EIF4E2: variants seen among roughly 807,000 people sequenced by gnomAD.
The protein encoded by EIF4E2 is eukaryotic translation initiation factor 4E type 2.
A neutral mutation model predicts 34.2 loss-of-function variants in EIF4E2; 13 were observed. The observed-to-expected ratio is 0.38, with a 90% CI of 0.25 to 0.60. EIF4E2 has a LOEUF of 0.60. EIF4E2 is among the 20% of genes least tolerant of loss of function. EIF4E2 has a pLI of 0.62. For synonymous variants in EIF4E2, 100 were observed against 106.6 expected (o/e 0.94, Z 0.38); for missense variants, 222 against 315.1 (o/e 0.70, Z 2.24).
chr2:232,563,070 C>T (rs62191570), intron 3 of EIF4E2, among the ~76,000 whole-genome samples: 10,101 of 152,300 alleles, frequency 0.066, 417 homozygotes, highest in Non-Finnish European at 0.099. Flanking sequence ...TCTTTGTCTA[C>T]TCGATACCCA....
intron 3 of EIF4E2, among the ~76,000 whole-genome samples, chr2:232,561,536 A>G (rs1226132881): frequency 1.3e-5 from 2 of 152,226 alleles, no homozygotes; most frequent in Non-Finnish European, 2.9e-5. Flanking sequence ...CTGTTGTGTA[A>G]TTCAGGTCAC....
chr2:232,554,394 T>G (rs535027823), intron 1 of EIF4E2, among the ~76,000 whole-genome samples: 1 of 152,266 alleles, frequency 6.6e-6, no homozygotes, highest in South Asian at 2.1e-4. Context: ...TATTGGGACA[T>G]GTGAGCAGAG....
At chr2:232,555,360 T>C (rs1391803506) in intron 1 of EIF4E2, among the ~76,000 whole-genome samples, 4 of 152,236 alleles carry the variant, frequency 2.6e-5, no homozygotes, top group Non-Finnish European at 4.4e-5. Flanking sequence ...GGCTTTCTTA[T>C]TGTCTTTGCA....
chr2:232,553,204 A>G (rs1226059781), intron 1 of EIF4E2, among the ~76,000 whole-genome samples: 2 of 150,628 alleles, frequency 1.3e-5, no homozygotes, highest in Non-Finnish European at 2.9e-5. Flanking sequence ...CATTGATCCT[A>G]TTGATAACGT....
intron 2 of EIF4E2, among the ~76,000 whole-genome samples, chr2:232,557,320 ACT>A (rs778051862): frequency 0.3 from 46,210 of 151,916 alleles, 7,498 homozygotes; most frequent in Admixed American, 0.41. Context: ...TCCAAGGGTT[ACT>A]AGCATTTTAT....
chr2:232,578,979 C>T (rs1286709060), intron 6 of EIF4E2, among the ~76,000 whole-genome samples: 2 of 152,072 alleles, frequency 1.3e-5, no homozygotes, highest in African/African-American at 2.4e-5. Flanking sequence ...TGGGCATAGA[C>T]GTGCCTGTAA....
chr2:232,580,133 C>CACAT (rs1693314491), intron 6 of EIF4E2, among the ~76,000 whole-genome samples: 1 of 140,490 alleles, frequency 7.1e-6, no homozygotes, highest in Admixed American at 7.1e-5. Context: ...CACACACACA[C>CACAT]TTTCAAGAAT....
chr2:232,571,598 A>G (rs1454991056), downstream of EIF4E2, among the ~76,000 whole-genome samples: 1 of 152,246 alleles, frequency 6.6e-6, no homozygotes, highest in Admixed American at 6.5e-5. Context: ...GCACTGGGAA[A>G]GACTGGCCCG....
At position 232,567,140 on chromosome 2, in the gene EIF4E2, G is replaced by C. The variant is rs377705394; in HGVS notation, c.591G>C (p.Arg197=). The part of the protein sequence containing the change: ...ASDQATTARI[R]DTLRRVLNLP... Reference sequence around the variant, plus strand: ...ACCAAGCAACCACAGCCCGAATCCGGGACACACTTCGGCGAGTGCTTAACC... The same window carrying C: ...ACCAAGCAACCACAGCCCGAATCCGCGACACACTTCGGCGAGTGCTTAACC... The change falls in exon 6 of 7, where the codon CGG becomes CGC. Residue 197 remains arginine (R), a synonymous_variant. Transcript: ENST00000258416. 2 of 1,613,990 alleles carry C rather than the reference G, an allele frequency of 1.2e-6. No homozygotes were observed. The highest frequency in any genetic ancestry group is 2.7e-5 in the African/African-American group (2 of 74,886).
intron 6 of EIF4E2, 192 bp downstream of exon 6, chr2:232,567,406 A>G: frequency 7.1e-7 from 1 of 1,404,722 alleles, no homozygotes; most frequent in East Asian, 2.7e-5. Flanking sequence ...CTATACTACC[A>G]GGTGCTTTGT....
intron 1 of EIF4E2, among the ~76,000 whole-genome samples, chr2:232,551,976 G>A (rs1692351746): frequency 6.6e-6 from 1 of 152,104 alleles, no homozygotes; most frequent in Middle Eastern, 3.4e-3. Context: ...CCCCGCTGCC[G>A]CCCCATTTCA....
intron 6 of EIF4E2, among the ~76,000 whole-genome samples, chr2:232,578,495 G>A (rs1693271456): frequency 6.6e-6 from 1 of 152,064 alleles, no homozygotes; most frequent in South Asian, 2.1e-4. Context: ...GCTGGGCGTG[G>A]TGGTGCACGC....
At position 232,566,382 on chromosome 2, in the gene EIF4E2, C is replaced by T. The variant is rs774161493; in HGVS notation, c.376-447C>T. Among the ~76,000 whole-genome samples the T allele has an allele frequency of 3.2e-4, 48 of 152,108 alleles. No homozygotes were observed. The highest frequency in any genetic ancestry group is 6.8e-4 in the African/African-American group (28 of 41,442). On this transcript the variant is annotated intron_variant, in intron 4 of 6. Transcript: ENST00000258416. The surrounding 1 kb of genome is among the most constrained non-coding windows in gnomAD (Gnocchi z 4.9). ...TGTTTTTGTATTTTTAGTAGAGACGCGGTTTCACCGTGTCAGCCAGGATGG... is the reference window on the plus strand; with the variant it reads ...TGTTTTTGTATTTTTAGTAGAGACGTGGTTTCACCGTGTCAGCCAGGATGG...
At chr2:232,574,289 T>G in intron 6 of EIF4E2, 1 of 1,550,576 alleles carries the variant, frequency 6.4e-7, no homozygotes, top group Non-Finnish European at 8.7e-7. Context: ...CATGGCCTGG[T>G]GAACAGCAGC....
At chr2:232,551,873 G>A (rs1212933715) in intron 1 of EIF4E2, among the ~76,000 whole-genome samples, 1 of 152,036 alleles carries the variant, frequency 6.6e-6, no homozygotes, top group African/African-American at 2.4e-5. Context: ...ATGTTTTCTG[G>A]TTGCTGAGAG....
At chr2:232,562,300 G>T (rs919433894) in intron 3 of EIF4E2, among the ~76,000 whole-genome samples, 2 of 152,196 alleles carry the variant, frequency 1.3e-5, no homozygotes, top group African/African-American at 2.4e-5. Flanking sequence ...GTGCAGTGGG[G>T]CTGGGCGCGG....
At chr2:232,574,184 G>T, downstream of EIF4E2, 1 of 1,390,348 alleles carries the variant, frequency 7.2e-7, no homozygotes, top group Non-Finnish European at 1.0e-6. Flanking sequence ...GGGGGATGTG[G>T]GGTTATTGTG....
At chr2:232,576,202 C>A (rs375665318) in intron 6 of EIF4E2, among the ~76,000 whole-genome samples, 15 of 147,796 alleles carry the variant, frequency 1.0e-4, no homozygotes, top group South Asian at 2.1e-4. Context: ...GACTCCATCT[C>A]AAAAAAAAAA....
At chr2:232,567,525 A>G in intron 6 of EIF4E2, 2 of 1,240,968 alleles carry the variant, frequency 1.6e-6, no homozygotes, top group Non-Finnish European at 2.0e-6. Flanking sequence ...AATGAAAGAC[A>G]AGTGCTTTTC....
Sources: allele counts gnomAD v4.1 joint callset (sites outside exome capture counted in the v4.1 genomes callset), GRCh38; gene constraint gnomAD v4.1.1; non-coding constraint Gnocchi (gnomAD v3.1); transcripts MANE v1.5; gene names NCBI Gene and HGNC (gene_info 2026-07-23, HGNC 2026-07-21).